APC: variants seen among roughly 807,000 people sequenced by gnomAD.
The protein encoded by APC is adenomatous polyposis coli protein.
In APC, 72 loss-of-function variants were observed where a neutral mutation model predicts 247.0. The ratio of observed to expected loss-of-function variants is 0.29; its 90% CI spans 0.24 to 0.35. The LOEUF (loss-of-function observed/expected upper bound fraction) is 0.35. Ranked by LOEUF, APC falls within the 10% of genes least tolerant of loss-of-function variation. The pLI, the probability that APC is intolerant of heterozygous loss-of-function variation, is 1.00. For missense variants in APC, 3,400 were observed against 3,360.7 expected, an observed-to-expected ratio of 1.01 and a Z score of -0.29; for synonymous variants, 1,254 against 1,162.5, an observed-to-expected ratio of 1.08 and a Z score of -1.60.
At chr5:112,769,032 A>AT (rs1443924450) in intron 4 of APC, among the ~76,000 whole-genome samples, 1 of 131,708 alleles carries the variant, frequency 7.6e-6, no homozygotes, top group Non-Finnish European at 1.6e-5. Context: ...TAAAAAGTAA[A>AT]TTTTTCTTTT....
chr5:112,761,042 C>T (rs1581141764), intron 2 of APC, among the ~76,000 whole-genome samples: 1 of 152,056 alleles, frequency 6.6e-6, no homozygotes, highest in Non-Finnish European at 1.5e-5. Flanking sequence ...ATCTCCTGAC[C>T]TCGTGATCCA....
chr5:112,820,232 A>T (rs569749541), intron 10 of APC, among the ~76,000 whole-genome samples: 5 of 152,046 alleles, frequency 3.3e-5, no homozygotes, highest in South Asian at 2.1e-4. Context: ...CTACAAGTAG[A>T]TGATTCTACT....
At chr5:112,757,655 C>T (rs751854382) in intron 2 of APC, among the ~76,000 whole-genome samples, 6 of 152,130 alleles carry the variant, frequency 3.9e-5, no homozygotes, top group Non-Finnish European at 7.4e-5. Context: ...TGTACTCCAG[C>T]CTGGGCAAAA....
intron 8 of APC, among the ~76,000 whole-genome samples, chr5:112,804,957 G>A (rs529502090): frequency 6.6e-5 from 10 of 151,866 alleles, no homozygotes; most frequent in Non-Finnish European, 1.0e-4. Flanking sequence ...TTCCAGCCTG[G>A]GTAACAAGGC....
chr5:112,724,355 G>A (rs760279879), intron 1 of APC, among the ~76,000 whole-genome samples: 37 of 152,144 alleles, frequency 2.4e-4, no homozygotes, highest in Non-Finnish European at 2.5e-4. Context: ...GCACCTGGCT[G>A]CTTAGGATAG....
chr5:112,796,431 C>T (rs1180914200), intron 7 of APC, among the ~76,000 whole-genome samples: 3 of 152,080 alleles, frequency 2.0e-5, no homozygotes, highest in Non-Finnish European at 4.4e-5. Flanking sequence ...GGATTTAGTA[C>T]ATCTGAATCT....
chr5:112,813,377 C>A (rs1762172386), intron 8 of APC, among the ~76,000 whole-genome samples: 1 of 151,942 alleles, frequency 6.6e-6, no homozygotes, highest in African/African-American at 2.4e-5. Flanking sequence ...TCTAAGCAGC[C>A]CTCATAAAAA....
intron 2 of APC, among the ~76,000 whole-genome samples, chr5:112,759,356 CTTT>C (rs887438895): frequency 2.5e-5 from 3 of 122,356 alleles, no homozygotes; most frequent in Admixed American, 8.2e-5. Flanking sequence ...TTCTTTCTTT[CTTT>C]TTTTTTTTTT....
intron 6 of APC, among the ~76,000 whole-genome samples, chr5:112,782,595 T>C (rs1217587625): frequency 6.6e-6 from 1 of 152,310 alleles, no homozygotes; most frequent in East Asian, 1.9e-4. Context: ...GTATATATCA[T>C]TTTTTCTTAC....
chr5:112,764,245 CAAAA>C (rs71683434), intron 2 of APC, among the ~76,000 whole-genome samples: 6 of 105,198 alleles, frequency 5.7e-5, no homozygotes, highest in African/African-American at 1.8e-4. Context: ...GACTCCGTCT[CAAAA>C]AAAAAAAAAA....
At chr5:112,794,216 C>A (rs375860959) in intron 7 of APC, among the ~76,000 whole-genome samples, 2 of 151,966 alleles carry the variant, frequency 1.3e-5, no homozygotes, top group African/African-American at 4.8e-5. Context: ...CCTCAGCCCC[C>A]GAGTAGCTCA....
Position 112,841,085 on chromosome 5 carries a change from G to A in APC, c.5491G>A (p.Glu1831Lys), listed in dbSNP as rs1554086768. 6 of 1,612,954 alleles carry A rather than the reference G, an allele frequency of 3.7e-6. No homozygotes were observed. The highest frequency in any genetic ancestry group is 5.1e-6 in the Non-Finnish European group (6 of 1,179,018). The change falls in exon 16 of 16, where the codon GAA becomes AAA. Residue 1831 changes from glutamate to lysine, a missense_variant. Glu to Lys is a moderately conservative substitution (Grantham distance 56, BLOSUM62 1). Transcript: ENST00000257430. This position sits in a 1 kb window ranked among gnomAD's most constrained non-coding sequence, Gnocchi z 4.6. ...KVFNDKLPNN[E>K]DRVRGSFAFD... Reference sequence around the variant, plus strand: ...CTTCAATGATAAGCTCCCAAATAATGAAGATAGAGTCAGAGGAAGTTTTGC... The same window carrying A: ...CTTCAATGATAAGCTCCCAAATAATAAAGATAGAGTCAGAGGAAGTTTTGC...
At chr5:112,811,639 G>T (rs548796157) in intron 8 of APC, among the ~76,000 whole-genome samples, 3 of 152,272 alleles carry the variant, frequency 2.0e-5, no homozygotes, top group East Asian at 3.9e-4. Context: ...GCTTAGAAAA[G>T]ATTTGTTGTC....
chr5:112,772,016 A>G (rs1164839202), intron 4 of APC, among the ~76,000 whole-genome samples: 1 of 152,200 alleles, frequency 6.6e-6, no homozygotes, highest in Non-Finnish European at 1.5e-5. Context: ...AGTCCTTAGC[A>G]CTATGCCCAG....
chr5:112,786,595 C>A (rs888854031), intron 6 of APC, among the ~76,000 whole-genome samples: 2 of 152,082 alleles, frequency 1.3e-5, no homozygotes, highest in Admixed American at 6.6e-5. Flanking sequence ...CTCTATATTG[C>A]CATAATTGAT....
At position 112,840,191 on chromosome 5, in the gene APC, A is replaced by G. The variant is rs730881226; in HGVS notation, c.4597A>G (p.Asn1533Asp). ...RIMPPVQEND[N>D]GNETESEQPK... ...AATGCCTCCAGTTCAGGAAAATGACAATGGGAATGAAACAGAATCAGAGCA... is the reference window on the plus strand; with the variant it reads ...AATGCCTCCAGTTCAGGAAAATGACGATGGGAATGAAACAGAATCAGAGCA... The change falls in exon 16 of 16, where the codon AAT (asparagine) becomes GAT (aspartate). Residue 1533 changes from asparagine to aspartate, a missense_variant. By Grantham distance (23) the Asn-to-Asp change is conservative. Coordinates refer to ENST00000257430, the MANE Select transcript of APC (RefSeq NM_000038.6). The surrounding 1 kb of genome is among the most constrained non-coding windows in gnomAD (Gnocchi z 4.1). 3.7e-6 allele frequency: 6 copies of G among 1,614,066 alleles called. No homozygotes were observed. The highest frequency in any genetic ancestry group is 5.1e-6 in the Non-Finnish European group (6 of 1,180,028).
intron 1 of APC, among the ~76,000 whole-genome samples, chr5:112,727,362 A>T (rs1751846063): frequency 6.6e-6 from 1 of 152,210 alleles, no homozygotes; most frequent in African/African-American, 2.4e-5. Context: ...TGCCATCTGC[A>T]GTTATTAAAT....
chr5:112,725,962 G>A (rs1340949728), intron 1 of APC, among the ~76,000 whole-genome samples: 1 of 152,178 alleles, frequency 6.6e-6, no homozygotes, highest in Non-Finnish European at 1.5e-5. Flanking sequence ...TTTGAAATGG[G>A]AGAGTTCCCT....
rs1169197940 is a variant in APC, at chr5:112,765,314, A to G, written c.136-1012A>G. On this transcript the variant is annotated intron_variant, in intron 2 of 15. Coordinates refer to ENST00000257430, the MANE Select transcript of APC (RefSeq NM_000038.6). ...AATTTTGTAGGGACAGAGTCTCGCT[A>G]TGTTGTTCAGGCTGGTCTCAAACTC... 3.9e-5 allele frequency among the ~76,000 whole-genome samples: 6 copies of G among 151,950 alleles called. No homozygotes were observed. The South Asian group carries it at 8.3e-4, about 21-fold the overall frequency.
Sources: allele counts gnomAD v4.1 joint callset (sites outside exome capture counted in the v4.1 genomes callset), GRCh38; gene constraint gnomAD v4.1.1; non-coding constraint Gnocchi (gnomAD v3.1); transcripts MANE v1.5; gene names NCBI Gene and HGNC (gene_info 2026-07-23, HGNC 2026-07-21).